MB: variants seen among roughly 807,000 people sequenced by gnomAD.
MB encodes myoglobin.
Under a neutral mutation model 14.5 loss-of-function variants are expected in MB, and 10 were observed. The observed-to-expected ratio is 0.69, with a 90% CI of 0.43 to 1.17. MB has a LOEUF of 1.17. Ranked by LOEUF, MB falls within the 50% of genes most tolerant of loss-of-function variation. The pLI, the probability that MB is intolerant of heterozygous loss-of-function variation, is 0.00. For synonymous variants in MB, 89 were observed against 78.6 expected (o/e 1.13, Z -0.70); for missense variants, 169 against 192.7 (o/e 0.88, Z 0.73).
At position 35,607,232 on chromosome 22, in the gene MB, G is replaced by A. The variant is rs530859783; in HGVS notation, c.*65C>T. ...AGAAGCAAACTCTATATGGCTACAC[G>A]AGATCAGACCCCGCTCTCTCTTGAA... On this transcript the variant is annotated 3_prime_UTR_variant, in exon 3 of 3. Transcript: ENST00000397326. 10 of 1,540,674 alleles carry A rather than the reference G, an allele frequency of 6.5e-6. No individual in the cohort carries two copies. In the South Asian group the frequency reaches 8.3e-5, roughly 13 times the overall value.
intron 2 of MB, among the ~76,000 whole-genome samples, chr22:35,610,169 C>A (rs1475673994): frequency 1.3e-5 from 2 of 152,184 alleles, no homozygotes; most frequent in African/African-American, 4.8e-5. Context: ...CAGCTCCCTC[C>A]TCTCCCCAAA....
At chr22:35,616,524 C>A (rs908036962) in intron 1 of MB, among the ~76,000 whole-genome samples, 1 of 152,196 alleles carries the variant, frequency 6.6e-6, no homozygotes, top group Non-Finnish European at 1.5e-5. Context: ...TAGCTACTAA[C>A]ATTTCTAGGA....
At chr22:35,610,125 G>T (rs542796107) in intron 2 of MB, among the ~76,000 whole-genome samples, 85 of 152,136 alleles carry the variant, frequency 5.6e-4, no homozygotes, top group Admixed American at 3.5e-3. Context: ...TTCTACCCTC[G>T]GGGGATGCAC....
At position 35,610,866 on chromosome 22, in the gene MB, C is replaced by A. The variant is rs1268031319; in HGVS notation, c.318+18G>T. The stretch of plus-strand genomic sequence containing the variant: ...GGCCTTCCCCGCATCCTCCCACCTG[C>A]CCAGGCTCTGCTCCTACCTCCAGGT... On this transcript the variant is annotated intron_variant, in intron 2 of 2. Coordinates refer to ENST00000397326, the MANE Select transcript of MB (RefSeq NM_005368.3). The A allele has an allele frequency of 2.1e-6, 3 of 1,459,914 alleles. No homozygotes were observed. The African/African-American group carries it at 8.9e-5, about 43-fold the overall frequency. 90.4% of individuals were successfully genotyped at this position (1,459,914 alleles called of 1,614,324 possible). A position where few individuals can be genotyped will look rare whatever the true frequency, so the allele number is the denominator to read the frequency against.
intron 1 of MB, among the ~76,000 whole-genome samples, chr22:35,614,534 A>C (rs1478296030): frequency 6.6e-6 from 1 of 151,188 alleles, no homozygotes; most frequent in East Asian, 1.9e-4. Flanking sequence ...AGCTGCCTGA[A>C]TTTGAATTCC....
At chr22:35,607,809 C>T (rs928438662) in intron 2 of MB, among the ~76,000 whole-genome samples, 2 of 152,126 alleles carry the variant, frequency 1.3e-5, no homozygotes, top group South Asian at 2.1e-4. Flanking sequence ...GAGCACCACC[C>T]GCTTGGGGGC....
intron 2 of MB, among the ~76,000 whole-genome samples, chr22:35,610,462 G>A (rs946842747): frequency 6.6e-6 from 1 of 152,134 alleles, no homozygotes; most frequent in Non-Finnish European, 1.5e-5. Context: ...GGGTTCTGTA[G>A]TAATAGAGAC....
intron 1 of MB, among the ~76,000 whole-genome samples, chr22:35,611,930 G>A (rs1313467785): frequency 6.6e-6 from 1 of 151,438 alleles, no homozygotes; most frequent in Non-Finnish European, 1.5e-5. Flanking sequence ...GTGAGCAGGT[G>A]GGTGCTGGTT....
Position 35,607,220 on chromosome 22 carries a change from A to G in MB, c.*77T>C, listed in dbSNP as rs1394966385. The G allele has an allele frequency of 4.7e-6, 7 of 1,495,474 alleles. No individual in the cohort carries two copies. Among genetic ancestry groups the G allele is most frequent in the African/African-American group, 2.8e-5 (2 of 71,864 alleles). The allele number at this position is 1,495,474 out of a possible 1,614,324, so 92.6% of individuals were successfully genotyped here. A position where few individuals can be genotyped will look rare whatever the true frequency, so the allele number is the denominator to read the frequency against. ...AAGCAGACACTCAGAAGCAAACTCT[A>G]TATGGCTACACGAGATCAGACCCCG... On this transcript the variant is annotated 3_prime_UTR_variant, in exon 3 of 3. Coordinates refer to ENST00000397326, the MANE Select transcript of MB (RefSeq NM_005368.3).
At chr22:35,622,830 T>C (rs1484709290) in intron 1 of MB, among the ~76,000 whole-genome samples, 4 of 150,516 alleles carry the variant, frequency 2.7e-5, no homozygotes, top group South Asian at 4.2e-4. Flanking sequence ...TAACCCCACA[T>C]CCACCCATCC....
intron 1 of MB, among the ~76,000 whole-genome samples, chr22:35,612,170 A>T (rs1922681983): frequency 1.3e-5 from 2 of 152,174 alleles, no homozygotes; most frequent in South Asian, 4.1e-4. Context: ...TAATGGTTTC[A>T]GTTCCTTGAA....
rs544308188 is a variant in MB, at chr22:35,607,594, G to T, written c.319-151C>A. 2.3e-4 allele frequency: 153 copies of T among 677,944 alleles called. 5 individuals carry two copies. In the South Asian group the frequency reaches 3.0e-3, roughly 13 times the overall value. 42.0% of individuals were successfully genotyped at this position (677,944 alleles called of 1,614,324 possible). On this transcript the variant is annotated intron_variant, in intron 2 of 2. Coordinates refer to ENST00000397326, the MANE Select transcript of MB (RefSeq NM_005368.3). ...AGGTGAGAGTCTGTGTGATCTCCAC[G>T]GATGAACCCCTTTGATCCCCACAAC... is the stretch of plus-strand genomic sequence containing the variant.
intron 1 of MB, among the ~76,000 whole-genome samples, 153 bp from the exon 2 acceptor site, chr22:35,611,259 A>G (rs1192633880): frequency 1.3e-5 from 2 of 152,056 alleles, no homozygotes; most frequent in African/African-American, 2.4e-5. Context: ...TTCCTCATAT[A>G]AGGGATGGGG....
intron 1 of MB, among the ~76,000 whole-genome samples, chr22:35,616,451 C>A (rs1923084620): frequency 6.6e-6 from 1 of 152,166 alleles, no homozygotes; most frequent in South Asian, 2.1e-4. Context: ...ACTAATGAGC[C>A]TCTATCTTCT....
chr22:35,614,425 T>C (rs986906184), intron 1 of MB, among the ~76,000 whole-genome samples: 3 of 143,362 alleles, frequency 2.1e-5, no homozygotes, highest in African/African-American at 7.9e-5. Context: ...TAGTCTCTAC[T>C]AAAAATACAA....
At chr22:35,615,091 A>G (rs1702683159) in intron 1 of MB, among the ~76,000 whole-genome samples, 1 of 152,150 alleles carries the variant, frequency 6.6e-6, no homozygotes, top group Non-Finnish European at 1.5e-5. Flanking sequence ...CGTGCAGTGA[A>G]GGCCTCAGTG....
At position 35,608,122 on chromosome 22, in the gene MB, CA is replaced by C. The variant is rs1350328462; in HGVS notation, c.319-680del. ...CAGCATTGCCATTTGCTTTAGTACCCACAGTCTCACTGCCCGGATAACAGAG... is the reference window on the plus strand; with the variant it reads ...CAGCATTGCCATTTGCTTTAGTACCCCAGTCTCACTGCCCGGATAACAGAG... On this transcript the variant is annotated intron_variant, in intron 2 of 2. Transcript: ENST00000397326. The surrounding 1 kb of genome is among the most constrained non-coding windows in gnomAD (Gnocchi z 4.3). 6.6e-6 allele frequency among the ~76,000 whole-genome samples: 1 copy of C among 152,156 alleles called. No homozygotes were observed. The highest frequency in any genetic ancestry group is 1.9e-4 in the East Asian group (1 of 5,198).
chr22:35,619,902 G>C (rs111912579), upstream of MB, among the ~76,000 whole-genome samples: 1 of 152,284 alleles, frequency 6.6e-6, no homozygotes, highest in Non-Finnish European at 1.5e-5. Context: ...GCGACCAAAA[G>C]GGTCAGAGGC....
intron 2 of MB, 119 bp downstream of exon 2, chr22:35,610,765 A>C: frequency 2.7e-6 from 2 of 746,544 alleles, no homozygotes; most frequent in Non-Finnish European, 4.4e-6. Flanking sequence ...TGGGGCACAG[A>C]GAAGAGTGGC....
Sources: allele counts gnomAD v4.1 joint callset (sites outside exome capture counted in the v4.1 genomes callset), GRCh38; gene constraint gnomAD v4.1.1; non-coding constraint Gnocchi (gnomAD v3.1); transcripts MANE v1.5; gene names NCBI Gene and HGNC (gene_info 2026-07-23, HGNC 2026-07-21).